The following HSD17B12 variants were observed in gnomAD, a reference collection of about 807,000 sequenced individuals.
HSD17B12 encodes very-long-chain 3-oxoacyl-CoA reductase.
HSD17B12 carries 32 observed loss-of-function variants against 39.3 expected under a neutral mutation model. That is an observed-to-expected ratio of 0.81 (90% CI 0.61 to 1.09). HSD17B12 has a LOEUF of 1.09. HSD17B12 is among the 50% of genes least tolerant of loss of function. The pLI is 0.00. For synonymous variants in HSD17B12, 150 were observed against 146.7 expected, an observed-to-expected ratio of 1.02 and a Z score of -0.16; for missense variants, 342 against 382.9, an observed-to-expected ratio of 0.89 and a Z score of 0.89.
At chr11:43,801,632 GTATA>G (rs1950970621) in intron 4 of HSD17B12, among the ~76,000 whole-genome samples, 1 of 15,806 alleles carries the variant, frequency 6.3e-5, no homozygotes, top group South Asian at 2.6e-3. Flanking sequence ...ATATATATAT[GTATA>G]TGTATGTATG....
intron 1 of HSD17B12, among the ~76,000 whole-genome samples, chr11:43,716,743 A>G (rs1049132307): frequency 1.0e-5 from 1 of 95,556 alleles, no homozygotes; most frequent in African/African-American, 3.0e-5. Flanking sequence ...TATATTATAC[A>G]TATATATATA....
intron 9 of HSD17B12, among the ~76,000 whole-genome samples, chr11:43,845,069 C>CT (rs1214751403): frequency 6.6e-6 from 1 of 152,196 alleles, no homozygotes; most frequent in Non-Finnish European, 1.5e-5. Context: ...TCATGGCTCA[C>CT]TAGAGCCTTG....
At chr11:43,779,504 GA>G (rs1448760684) in intron 3 of HSD17B12, among the ~76,000 whole-genome samples, 1 of 152,158 alleles carries the variant, frequency 6.6e-6, no homozygotes, top group Non-Finnish European at 1.5e-5. Context: ...GTCATTAGGA[GA>G]CCCAGATTCA....
At chr11:43,663,364 T>C in the HSD17B12 span, among the ~76,000 whole-genome samples, 6 of 152,164 alleles carry the variant, frequency 3.9e-5, no homozygotes, top group African/African-American at 1.2e-4. Flanking sequence ...TCTCCCAGAG[T>C]ATTGAGATTA....
At chr11:43,803,420 A>G (rs900659597) in intron 4 of HSD17B12, among the ~76,000 whole-genome samples, 1 of 152,162 alleles carries the variant, frequency 6.6e-6, no homozygotes, top group East Asian at 1.9e-4. Context: ...AAAATATTCT[A>G]TGTATAGACT....
intron 1 of HSD17B12, chr11:43,718,934 A>G (rs2134858093): frequency 3.8e-6 from 4 of 1,045,104 alleles, no homozygotes; most frequent in East Asian, 2.4e-5. Flanking sequence ...TGAGTCTGCC[A>G]TGAAGAAGAT....
At chr11:43,656,162 A>G in the HSD17B12 span, among the ~76,000 whole-genome samples, 1 of 151,992 alleles carries the variant, frequency 6.6e-6, no homozygotes, top group Non-Finnish European at 1.5e-5. Context: ...GAATTTATCC[A>G]TTTCTTCTAG....
At chr11:43,683,189 A>T (rs1345620665) in intron 1 of HSD17B12, among the ~76,000 whole-genome samples, 3 of 151,528 alleles carry the variant, frequency 2.0e-5, no homozygotes, top group African/African-American at 4.9e-5. Flanking sequence ...ATGAGTGTAC[A>T]GTAAAAGGCA....
intron 1 of HSD17B12, among the ~76,000 whole-genome samples, chr11:43,735,789 G>C (rs547015861): frequency 1.3e-5 from 2 of 152,270 alleles, no homozygotes; most frequent in African/African-American, 4.8e-5. Context: ...TCACAGTTCT[G>C]CATGGCTGGG....
the HSD17B12 span, among the ~76,000 whole-genome samples, chr11:43,576,233 T>C: frequency 5.2e-4 from 79 of 152,308 alleles, no homozygotes; most frequent in Non-Finnish European, 9.1e-4. Context: ...GGTATTTTTC[T>C]GATTTGAAAA....
the HSD17B12 span, among the ~76,000 whole-genome samples, chr11:43,583,541 A>G: frequency 6.6e-6 from 1 of 152,058 alleles, no homozygotes; most frequent in Non-Finnish European, 1.5e-5. Context: ...TCCCTTCACA[A>G]TAAGTGAAAA....
At chr11:43,686,601 T>G (rs1949802041) in intron 1 of HSD17B12, among the ~76,000 whole-genome samples, 1 of 150,656 alleles carries the variant, frequency 6.6e-6, no homozygotes, top group South Asian at 2.1e-4. Context: ...CCCTGTTTTT[T>G]TTTTTTTTTT....
At chr11:43,675,871 G>T (rs540129682), upstream of HSD17B12, among the ~76,000 whole-genome samples, 4 of 152,220 alleles carry the variant, frequency 2.6e-5, no homozygotes, top group Admixed American at 1.3e-4. Flanking sequence ...TAGCACTTTC[G>T]GAGGCCCAGG....
At chr11:43,710,613 A>T (rs1565058224) in intron 1 of HSD17B12, among the ~76,000 whole-genome samples, 2 of 152,092 alleles carry the variant, frequency 1.3e-5, no homozygotes, top group East Asian at 3.8e-4. Flanking sequence ...GATCTGATTC[A>T]TTCTGAACTA....
intron 3 of HSD17B12, among the ~76,000 whole-genome samples, chr11:43,767,219 C>T (rs1344067930): frequency 6.7e-6 from 1 of 150,088 alleles, no homozygotes; most frequent in Non-Finnish European, 1.5e-5. Context: ...AAAAAAAACA[C>T]TTTTTTTGGT....
intron 1 of HSD17B12, among the ~76,000 whole-genome samples, chr11:43,741,722 C>A (rs921525510): frequency 6.9e-6 from 1 of 145,962 alleles, no homozygotes; most frequent in Non-Finnish European, 1.5e-5. Flanking sequence ...GAGGGATTTT[C>A]TTTTTCTTTT....
the HSD17B12 span, among the ~76,000 whole-genome samples, chr11:43,593,179 C>T: frequency 2.0e-5 from 3 of 152,174 alleles, no homozygotes; most frequent in African/African-American, 7.2e-5. Context: ...ATCTTTCTCA[C>T]CTGGAAGGTA....
intron 1 of HSD17B12, among the ~76,000 whole-genome samples, chr11:43,731,601 G>T (rs905103896): frequency 6.6e-6 from 1 of 152,142 alleles, no homozygotes; most frequent in Non-Finnish European, 1.5e-5. Flanking sequence ...CATAAATTTC[G>T]AAAGGAGAGC....
At chr11:43,733,967 T>G in intron 1 of HSD17B12, 1 of 708,170 alleles carries the variant, frequency 1.4e-6, no homozygotes, top group South Asian at 1.5e-5. Context: ...TTTGCTGTTC[T>G]CGACCACGTA....
Sources: gnomAD v4.1 joint callset for allele counts (sites outside exome capture counted in the v4.1 genomes callset) on GRCh38, gnomAD v4.1.1 for gene constraint, MANE v1.5 for transcripts, NCBI Gene and HGNC (gene_info 2026-07-23, HGNC 2026-07-21) for gene names.